Variants in ERC2 observed in about 807,000 individuals in gnomAD.
ERC2 encodes the protein ELKS/RAB6-interacting/CAST family member 2.
A neutral mutation model predicts 114.8 loss-of-function variants in ERC2; 42 were observed. The ratio of observed to expected loss-of-function variants is 0.37; its 90% CI spans 0.29 to 0.47. The LOEUF is 0.47. Among genes scored for constraint, ERC2 ranks in the 20% least tolerant of loss-of-function variants. ERC2 has a pLI of 0.99. For synonymous variants in ERC2, 454 were observed against 425.5 expected, an observed-to-expected ratio of 1.07 and a Z score of -0.82; for missense variants, 939 against 1,150.7, an observed-to-expected ratio of 0.82 and a Z score of 2.66.
chr3:55,695,801 C>A (rs2062897362), intron 16 of ERC2, among the ~76,000 whole-genome samples: 1 of 152,082 alleles, frequency 6.6e-6, no homozygotes, highest in African/African-American at 2.4e-5. Flanking sequence ...ACTCTGAGAA[C>A]AATATTTCTT....
intron 6 of ERC2, among the ~76,000 whole-genome samples, chr3:56,105,543 T>C (rs958599961): frequency 6.6e-6 from 1 of 152,176 alleles, no homozygotes; most frequent in Non-Finnish European, 1.5e-5. Context: ...CTTGAACTCC[T>C]GGCCTCAAGC....
At chr3:56,443,696 T>C (rs1214526242) in intron 1 of ERC2, among the ~76,000 whole-genome samples, 1 of 152,024 alleles carries the variant, frequency 6.6e-6, no homozygotes, top group African/African-American at 2.4e-5. Flanking sequence ...ATTTCTCATC[T>C]ATCCTGATTT....
chr3:55,808,204 G>A (rs1235690044), intron 14 of ERC2, among the ~76,000 whole-genome samples: 5 of 152,274 alleles, frequency 3.3e-5, no homozygotes, highest in East Asian at 1.9e-4. Flanking sequence ...GGTGCTTGCC[G>A]GCAGGTCATG....
chr3:56,220,360 T>G (rs998302493), intron 3 of ERC2, among the ~76,000 whole-genome samples: 24 of 152,222 alleles, frequency 1.6e-4, no homozygotes, highest in African/African-American at 5.5e-4. Flanking sequence ...TTGGAAACGC[T>G]GCCTACAATA....
At chr3:56,277,963 C>A (rs2054112124) in intron 3 of ERC2, among the ~76,000 whole-genome samples, 1 of 152,126 alleles carries the variant, frequency 6.6e-6, no homozygotes, top group African/African-American at 2.4e-5. Context: ...CTGACTGTGA[C>A]TTCCTGTAAG....
chr3:55,539,180 T>G (rs1387943666), intron 17 of ERC2, among the ~76,000 whole-genome samples: 1 of 152,116 alleles, frequency 6.6e-6, no homozygotes, highest in Non-Finnish European at 1.5e-5. Flanking sequence ...AGCACAATGT[T>G]AGAGTATATT....
At chr3:56,198,658 T>C (rs549751450) in intron 3 of ERC2, among the ~76,000 whole-genome samples, 2 of 152,308 alleles carry the variant, frequency 1.3e-5, no homozygotes, top group East Asian at 1.9e-4. Context: ...AAAAAGAGAA[T>C]TTGATGAATC....
chr3:56,205,637 C>T (rs1254575437), intron 3 of ERC2, among the ~76,000 whole-genome samples: 2 of 152,136 alleles, frequency 1.3e-5, no homozygotes, highest in African/African-American at 4.8e-5. Flanking sequence ...TGGGCATGGC[C>T]ACCGAAACTA....
chr3:55,714,721 T>A, intron 15 of ERC2, among the ~76,000 whole-genome samples: 1 of 127,536 alleles, frequency 7.8e-6, no homozygotes, highest in Admixed American at 8.2e-5. Context: ...ATATGAAAAG[T>A]ACAGAAAGAT....
At chr3:56,121,051 T>A (rs1425855227) in intron 6 of ERC2, among the ~76,000 whole-genome samples, 1 of 152,206 alleles carries the variant, frequency 6.6e-6, no homozygotes, top group Admixed American at 6.5e-5. Flanking sequence ...CAGCCCTAAT[T>A]TGAAATCCTG....
At chr3:56,217,335 A>C (rs1177152325) in intron 3 of ERC2, among the ~76,000 whole-genome samples, 1 of 152,220 alleles carries the variant, frequency 6.6e-6, no homozygotes, top group African/African-American at 2.4e-5. Context: ...AAGCATTCTT[A>C]TACACCAATA....
At chr3:56,278,637 G>C (rs2054161120) in intron 3 of ERC2, among the ~76,000 whole-genome samples, 1 of 152,204 alleles carries the variant, frequency 6.6e-6, no homozygotes, top group Non-Finnish European at 1.5e-5. Context: ...ATAAAGAAAA[G>C]AGGTTTATTT....
At chr3:56,017,759 T>C (rs1171928352) in intron 8 of ERC2, among the ~76,000 whole-genome samples, 2 of 152,280 alleles carry the variant, frequency 1.3e-5, no homozygotes, top group Admixed American at 1.3e-4. Context: ...ACGTATTTAT[T>C]GTCTGTCTCC....
At chr3:55,624,018 A>C (rs529750621) in intron 17 of ERC2, among the ~76,000 whole-genome samples, 1 of 152,332 alleles carries the variant, frequency 6.6e-6, no homozygotes, top group Admixed American at 6.5e-5. Context: ...AACGGTGATC[A>C]AGAGAAGGGA....
At chr3:55,644,007 G>C (rs892268570) in intron 17 of ERC2, among the ~76,000 whole-genome samples, 1 of 152,018 alleles carries the variant, frequency 6.6e-6, no homozygotes, top group Non-Finnish European at 1.5e-5. Flanking sequence ...TGATTTGGGG[G>C]TCTTTACGGA....
At chr3:55,711,455 A>T (rs1576257071) in intron 15 of ERC2, among the ~76,000 whole-genome samples, 1 of 152,210 alleles carries the variant, frequency 6.6e-6, no homozygotes, top group East Asian at 1.9e-4. Flanking sequence ...ACCCTTTACA[A>T]ACAATATCTC....
chr3:55,876,394 T>C (rs1219488356), intron 14 of ERC2, among the ~76,000 whole-genome samples: 1 of 152,160 alleles, frequency 6.6e-6, no homozygotes, highest in Non-Finnish European at 1.5e-5. Context: ...TTGTTTCCCT[T>C]GGATGCCCAC....
chr3:56,348,749 T>G (rs1022282416), intron 2 of ERC2, among the ~76,000 whole-genome samples: 33 of 151,786 alleles, frequency 2.2e-4, no homozygotes, highest in Admixed American at 2.2e-3. Context: ...TTGACAAAGA[T>G]TTGACGATTG....
At chr3:56,101,462 G>A (rs1209505162) in intron 6 of ERC2, among the ~76,000 whole-genome samples, 2 of 139,694 alleles carry the variant, frequency 1.4e-5, no homozygotes, top group Non-Finnish European at 3.1e-5. Flanking sequence ...ACAACCTACT[G>A]CTCTTTATTG....
Sources: allele counts gnomAD v4.1 joint callset (sites outside exome capture counted in the v4.1 genomes callset), GRCh38; gene constraint gnomAD v4.1.1; transcripts MANE v1.5; gene names NCBI Gene and HGNC (gene_info 2026-07-23, HGNC 2026-07-21).